The following COMMD1 variants were observed in gnomAD, a reference collection of about 807,000 sequenced individuals.
COMMD1 encodes the protein COMM domain-containing protein 1.
Under a neutral mutation model 17.2 loss-of-function variants are expected in COMMD1, and 10 were observed. That is an observed-to-expected ratio of 0.58 (90% CI 0.36 to 0.99). The LOEUF is 0.99. COMMD1 is among the 50% of genes least tolerant of loss of function. The probability of loss-of-function intolerance (pLI) is 0.01; values close to 1 mark genes in which losing one functional copy is unlikely to be tolerated. For missense variants in COMMD1, 270 were observed against 231.8 expected (o/e 1.17, Z -1.07); for synonymous variants, 97 against 91.6 (o/e 1.06, Z -0.34).
chr2:62,009,585 C>G (rs1368885045), intron 2 of COMMD1, among the ~76,000 whole-genome samples: 1 of 133,438 alleles, frequency 7.5e-6, no homozygotes, highest in African/African-American at 2.8e-5. Flanking sequence ...GCCTGGGCAA[C>G]AGAGTGAGAC....
intron 1 of COMMD1, among the ~76,000 whole-genome samples, chr2:61,926,289 T>TA (rs1280424257): frequency 6.6e-6 from 1 of 152,160 alleles, no homozygotes; most frequent in Non-Finnish European, 1.5e-5. Context: ...TTTTTTAAAT[T>TA]AAACATATTA....
chr2:62,074,673 C>T (rs1671290407), intron 2 of COMMD1, among the ~76,000 whole-genome samples: 2 of 152,158 alleles, frequency 1.3e-5, no homozygotes, highest in East Asian at 3.8e-4. Flanking sequence ...ATCATTTTCA[C>T]AGCACAGGAA....
chr2:61,995,111 T>C (rs1668719135), intron 1 of COMMD1, among the ~76,000 whole-genome samples: 1 of 151,498 alleles, frequency 6.6e-6, no homozygotes, highest in African/African-American at 2.4e-5. Context: ...TTTTTTTCAT[T>C]AAAAACATTT....
chr2:62,051,104 A>G (rs1251906642), intron 2 of COMMD1, among the ~76,000 whole-genome samples: 4 of 152,136 alleles, frequency 2.6e-5, no homozygotes, highest in African/African-American at 9.7e-5. Context: ...GTTAGAGAAA[A>G]TTACCCTTTG....
At chr2:62,053,869 A>G (rs74987538) in intron 2 of COMMD1, among the ~76,000 whole-genome samples, 4,224 of 152,358 alleles carry the variant, frequency 0.028, 126 homozygotes, top group Admixed American at 0.09. Flanking sequence ...AATGGAACTT[A>G]AACTTTCTGC....
rs1669413712 is a variant in COMMD1, at chr2:62,015,470, TCTG to T, written c.462+14492_462+14494del. Reference sequence around the variant, plus strand: ...TCCACCTTTTGGCTCTTGTGACTAATCTGCTGTGAACATGGGTATACAAATATC... The same window carrying T: ...TCCACCTTTTGGCTCTTGTGACTAATCTGTGAACATGGGTATACAAATATC... On this transcript the variant is annotated intron_variant, in intron 2 of 2. Coordinates refer to ENST00000311832, the MANE Select transcript of COMMD1 (RefSeq NM_152516.4). Among the ~76,000 whole-genome samples, 4 of 152,246 alleles carry T rather than the reference TCTG, an allele frequency of 2.6e-5. No individual in the cohort carries two copies. In the South Asian group the frequency reaches 8.3e-4, roughly 31 times the overall value.
intron 1 of COMMD1, among the ~76,000 whole-genome samples, chr2:61,985,960 C>T (rs1008870520): frequency 2.0e-5 from 3 of 152,042 alleles, no homozygotes; most frequent in African/African-American, 7.2e-5. Flanking sequence ...TCTACTATTA[C>T]CAGTGAATTT....
At chr2:62,078,857 A>G (rs994223872) in intron 2 of COMMD1, among the ~76,000 whole-genome samples, 13 of 151,814 alleles carry the variant, frequency 8.6e-5, no homozygotes, top group African/African-American at 3.1e-4. Context: ...AGCCTGGGCA[A>G]CAGAGTGAGA....
chr2:61,911,719 T>C (rs1197517629), intron 1 of COMMD1, among the ~76,000 whole-genome samples: 1 of 152,196 alleles, frequency 6.6e-6, no homozygotes, highest in Non-Finnish European at 1.5e-5. Context: ...GTCCTCTGCA[T>C]AGGTACCAGT....
chr2:62,015,705 T>G (rs1325720324), intron 2 of COMMD1, among the ~76,000 whole-genome samples: 1 of 150,966 alleles, frequency 6.6e-6, no homozygotes, highest in Non-Finnish European at 1.5e-5. Context: ...GTTTTTTTTT[T>G]TTTTCTTTTT....
At chr2:61,895,333 C>T (rs759337438) in intron 1 of COMMD1, among the ~76,000 whole-genome samples, 1 of 152,172 alleles carries the variant, frequency 6.6e-6, no homozygotes, top group Non-Finnish European at 1.5e-5. Flanking sequence ...GCCCAAGATC[C>T]AGGAAGGCTG....
At chr2:61,964,597 G>A (rs2103705020) in intron 1 of COMMD1, among the ~76,000 whole-genome samples, 1 of 152,300 alleles carries the variant, frequency 6.6e-6, no homozygotes, top group Admixed American at 6.5e-5. Flanking sequence ...CACTTTGGGA[G>A]GCCGAGGTGG....
At chr2:61,932,617 G>A (rs1340496134) in intron 1 of COMMD1, among the ~76,000 whole-genome samples, 3 of 152,070 alleles carry the variant, frequency 2.0e-5, no homozygotes, top group African/African-American at 7.2e-5. Flanking sequence ...TTGGTGGTGG[G>A]GTCTTTGGGA....
intron 2 of COMMD1, among the ~76,000 whole-genome samples, chr2:62,028,420 T>G (rs115296991): frequency 0.012 from 1,852 of 152,338 alleles, 42 homozygotes; most frequent in African/African-American, 0.043. Flanking sequence ...TTTTTAATGC[T>G]TTATCCAAAC....
chr2:62,103,032 G>T (rs1479587881), intron 2 of COMMD1, among the ~76,000 whole-genome samples: 1 of 149,756 alleles, frequency 6.7e-6, no homozygotes, highest in African/African-American at 2.5e-5. Flanking sequence ...AGGCTGGAGT[G>T]CAGTGGCGCG....
chr2:61,996,231 T>C (rs1331107248), intron 1 of COMMD1, among the ~76,000 whole-genome samples: 1 of 152,096 alleles, frequency 6.6e-6, no homozygotes, highest in East Asian at 1.9e-4. Flanking sequence ...TAAAAAATGC[T>C]AATGATTACC....
chr2:62,005,536 T>C (rs539526624), intron 2 of COMMD1, among the ~76,000 whole-genome samples: 3 of 152,296 alleles, frequency 2.0e-5, no homozygotes, highest in South Asian at 2.1e-4. Flanking sequence ...GGGCAAAGGA[T>C]ATGAACAGAC....
At chr2:62,105,898 T>C (rs1019048915) in intron 2 of COMMD1, among the ~76,000 whole-genome samples, 9 of 152,168 alleles carry the variant, frequency 5.9e-5, no homozygotes, top group South Asian at 2.1e-4. Flanking sequence ...CCCTCCAACA[T>C]TGGGGATTAC....
At chr2:62,070,025 A>T (rs1671156595) in intron 2 of COMMD1, 1 of 152,230 alleles carries the variant, frequency 6.6e-6, no homozygotes, top group African/African-American at 2.4e-5. Flanking sequence ...CACAGTTCCC[A>T]AAAAGACTGC....
Sources: gnomAD v4.1 joint callset for allele counts (sites outside exome capture counted in the v4.1 genomes callset) on GRCh38, gnomAD v4.1.1 for gene constraint, MANE v1.5 for transcripts, NCBI Gene and HGNC (gene_info 2026-07-23, HGNC 2026-07-21) for gene names.